The following LRRTM4 variants were observed in gnomAD, a reference collection of about 807,000 sequenced individuals.
LRRTM4 encodes the protein leucine-rich repeat transmembrane neuronal protein 4.
In LRRTM4, 25 loss-of-function variants were observed where a neutral mutation model predicts 47.6. That is an observed-to-expected ratio of 0.53 (90% CI 0.38 to 0.73). The LOEUF (loss-of-function observed/expected upper bound fraction) is 0.73. LRRTM4 is among the 30% of genes least tolerant of loss of function. LRRTM4 has a pLI of 0.00. For synonymous variants in LRRTM4, 311 were observed against 269.5 expected (o/e 1.15, Z -1.51); for missense variants, 638 against 713.4 (o/e 0.89, Z 1.20).
At chr2:76,864,544 C>T (rs1246407390) in intron 3 of LRRTM4, among the ~76,000 whole-genome samples, 1 of 151,758 alleles carries the variant, frequency 6.6e-6, no homozygotes, top group Non-Finnish European at 1.5e-5. Flanking sequence ...GTAATCCCAG[C>T]TACTCGGGAG....
At chr2:77,414,704 A>G (rs528520295) in intron 3 of LRRTM4, among the ~76,000 whole-genome samples, 2 of 152,214 alleles carry the variant, frequency 1.3e-5, no homozygotes, top group Non-Finnish European at 2.9e-5. Flanking sequence ...GAGCACCAAA[A>G]GTGAAGGCTG....
In LRRTM4 at chr2:77,471,813, T is replaced by G. The variant is rs571796252; in HGVS notation, c.1551+46505A>C. Among the ~76,000 whole-genome samples the G allele has an allele frequency of 9.2e-5, 14 of 152,268 alleles. No individual in the cohort carries two copies. In the South Asian group the frequency reaches 2.9e-3, roughly 32 times the overall value. On this transcript the variant is annotated intron_variant, in intron 3 of 3. Transcript: ENST00000409884. ...CTCTAGCTCCTTCATCCTGATTTATTTTTCTCAATGATGCTTTTTGCCACC... is the reference window on the plus strand; with the variant it reads ...CTCTAGCTCCTTCATCCTGATTTATGTTTCTCAATGATGCTTTTTGCCACC...
rs1407445164 is a variant in LRRTM4, at chr2:76,795,579, GCACACACACACATACA to G, written c.1552-46679_1552-46664del. Among the ~76,000 whole-genome samples, 12 of 91,956 alleles carry G rather than the reference GCACACACACACATACA, an allele frequency of 1.3e-4. No homozygotes were observed. The South Asian group carries it at 4.2e-3, about 32-fold the overall frequency. The allele number at this position is 91,956 out of a possible 152,430, so 60.3% of individuals were successfully genotyped here. On this transcript the variant is annotated intron_variant, in intron 3 of 3. Coordinates refer to ENST00000409884, the MANE Select transcript of LRRTM4 (RefSeq NM_001134745.3). ...TGCATATATACATGTGCATATATAT[GCACACACACACATACA>G]CACACACTACATTTTCTTTATCCAT...
At chr2:76,965,024 A>G (rs1300955000) in intron 3 of LRRTM4, among the ~76,000 whole-genome samples, 1 of 151,102 alleles carries the variant, frequency 6.6e-6, no homozygotes, top group African/African-American at 2.4e-5. Context: ...ATATCTATTA[A>G]TGAAATTGAA....
chr2:77,422,503 A>G (rs574884122), intron 3 of LRRTM4, among the ~76,000 whole-genome samples: 1 of 152,208 alleles, frequency 6.6e-6, no homozygotes, highest in Non-Finnish European at 1.5e-5. Flanking sequence ...ATTGCAAAGA[A>G]GTAATACGAG....
intron 3 of LRRTM4, among the ~76,000 whole-genome samples, chr2:76,985,389 A>G (rs1219575600): frequency 6.6e-6 from 1 of 152,040 alleles, no homozygotes. Flanking sequence ...TTAGAGCCCC[A>G]GTGGGATAGC....
In LRRTM4 at chr2:77,033,262, GCT is replaced by G. The variant is rs539434502; in HGVS notation, c.1552-284348_1552-284347del. 2.6e-3 allele frequency among the ~76,000 whole-genome samples: 399 copies of G among 151,716 alleles called. 3 individuals are homozygous for G. The highest frequency in any genetic ancestry group is 4.5e-3 in the Non-Finnish European group (307 of 67,802). ...CACATGCATTTATTATTTTAAATGG[GCT>G]CTCTCAAGAAAGCATTGAATTTATA... On this transcript the variant is annotated intron_variant, in intron 3 of 3. Transcript: ENST00000409884.
chr2:76,815,583 G>C (rs950336056), intron 3 of LRRTM4, among the ~76,000 whole-genome samples: 1 of 152,020 alleles, frequency 6.6e-6, no homozygotes, highest in African/African-American at 2.4e-5. Context: ...AGTCATAGTT[G>C]TAGTAATAAT....
intron 3 of LRRTM4, among the ~76,000 whole-genome samples, chr2:77,200,240 A>G (rs1673936535): frequency 6.6e-6 from 1 of 152,144 alleles, no homozygotes; most frequent in African/African-American, 2.4e-5. Context: ...ATGAAATTTA[A>G]AAGTAGTGAG....
At chr2:77,335,930 G>A (rs1671145425) in intron 3 of LRRTM4, among the ~76,000 whole-genome samples, 1 of 152,070 alleles carries the variant, frequency 6.6e-6, no homozygotes, top group Non-Finnish European at 1.5e-5. Context: ...CAACTCCACT[G>A]TTGTAGCACA....
intron 3 of LRRTM4, among the ~76,000 whole-genome samples, chr2:77,205,263 G>A (rs1268610300): frequency 6.6e-6 from 1 of 152,090 alleles, no homozygotes; most frequent in Non-Finnish European, 1.5e-5. Flanking sequence ...ATAGTCAAGG[G>A]AGAAAGAAAG....
In LRRTM4 at chr2:76,888,987, G is replaced by GC. The variant is rs140757825; in HGVS notation, c.1552-140072_1552-140071insG. Among the ~76,000 whole-genome samples the GC allele has an allele frequency of 1.3e-3, 196 of 151,876 alleles. 6 individuals are homozygous for GC. The East Asian group carries it at 0.035, about 27-fold the overall frequency. ...TTTCAACAAATAGCTTTGGGCTTAA[G>GC]GTAGCCTATGTACTTAAACATCTCA... On this transcript the variant is annotated intron_variant, in intron 3 of 3. Coordinates refer to ENST00000409884, the MANE Select transcript of LRRTM4 (RefSeq NM_001134745.3).
intron 3 of LRRTM4, among the ~76,000 whole-genome samples, chr2:77,217,726 T>C (rs998507467): frequency 6.6e-5 from 10 of 151,922 alleles, no homozygotes; most frequent in African/African-American, 1.9e-4. Context: ...AGTCTTTCTA[T>C]CTGCAGTACC....
intron 3 of LRRTM4, among the ~76,000 whole-genome samples, chr2:76,803,396 G>A (rs1033549961): frequency 3.3e-5 from 5 of 152,028 alleles, no homozygotes; most frequent in African/African-American, 7.2e-5. Context: ...ACCAAAATGA[G>A]ATATTACTTT....
intron 3 of LRRTM4, among the ~76,000 whole-genome samples, chr2:77,135,029 T>C (rs754169887): frequency 6.6e-6 from 1 of 152,132 alleles, no homozygotes; most frequent in Non-Finnish European, 1.5e-5. Context: ...GAACTACAAA[T>C]AGAAATCATG....
chr2:77,065,410 G>C lies in LRRTM4; in HGVS notation c.1552-316494C>G, dbSNP rs547655033. 6.6e-5 allele frequency among the ~76,000 whole-genome samples: 10 copies of C among 152,236 alleles called. No homozygotes were observed. In the South Asian group the frequency reaches 2.1e-3, roughly 32 times the overall value. ...ATTTAAAGTGCAATGTAAAATTAAT[G>C]CATGTCCTGCTCTTTATTGACCTTT... On this transcript the variant is annotated intron_variant, in intron 3 of 3. Transcript: ENST00000409884.
chr2:77,419,309 T>A (rs962726136), intron 3 of LRRTM4, among the ~76,000 whole-genome samples: 2 of 152,196 alleles, frequency 1.3e-5, no homozygotes, highest in Non-Finnish European at 2.9e-5. Context: ...ATGTTCCACA[T>A]TTTGGCATGT....
At chr2:77,219,393 A>C (rs1472455923) in intron 3 of LRRTM4, among the ~76,000 whole-genome samples, 1 of 152,196 alleles carries the variant, frequency 6.6e-6, no homozygotes, top group Non-Finnish European at 1.5e-5. Context: ...AAAACACCAG[A>C]AGGCCTCAAA....
Position 77,359,036 on chromosome 2 carries a change from A to G in LRRTM4, c.1551+159282T>C, listed in dbSNP as rs578023232. 2.8e-4 allele frequency among the ~76,000 whole-genome samples: 43 copies of G among 152,190 alleles called. 1 individual carries two copies. Among genetic ancestry groups the G allele is most frequent in the African/African-American group, 9.4e-4 (39 of 41,536 alleles). On this transcript the variant is annotated intron_variant, in intron 3 of 3. Transcript: ENST00000409884. ...TCCTTTATTTTCATCTAATTACAAT[A>G]TTTTCCTAGTTTACTATCTTTGTTT...
Sources: gnomAD v4.1 joint callset for allele counts (sites outside exome capture counted in the v4.1 genomes callset) on GRCh38, gnomAD v4.1.1 for gene constraint, MANE v1.5 for transcripts, NCBI Gene and HGNC (gene_info 2026-07-23, HGNC 2026-07-21) for gene names.